DDX60L: variants seen among roughly 807,000 people sequenced by gnomAD.
DDX60L encodes DExD/H-box 60 like, also known as probable ATP-dependent RNA helicase DDX60-like.
A neutral mutation model predicts 211.6 loss-of-function variants in DDX60L; 191 were observed. The observed-to-expected ratio is 0.90, with a 90% CI of 0.80 to 1.02. The LOEUF is 1.02. Among genes scored for constraint, DDX60L ranks in the 50% least tolerant of loss-of-function variants. The pLI, the probability that DDX60L is intolerant of heterozygous loss-of-function variation, is 0.00. For synonymous variants in DDX60L, 706 were observed against 694.1 expected, an observed-to-expected ratio of 1.02 and a Z score of -0.27; for missense variants, 2,007 against 1,984.1, an observed-to-expected ratio of 1.01 and a Z score of -0.22.
chr4:168,421,696 G>A (rs1420974696), intron 17 of DDX60L, 64 bp downstream of exon 17: 2 of 1,578,438 alleles, frequency 1.3e-6, no homozygotes, highest in Non-Finnish European at 1.7e-6. Flanking sequence ...ATGTGACCGT[G>A]TGCATTCTTT....
chr4:168,479,391 G>A (rs1246279204), intron 1 of DDX60L, among the ~76,000 whole-genome samples: 3 of 152,152 alleles, frequency 2.0e-5, no homozygotes, highest in Admixed American at 6.5e-5. Flanking sequence ...GAGAACACTC[G>A]AAATCATGAA....
chr4:168,443,747 T>C (rs1285793323), intron 9 of DDX60L, among the ~76,000 whole-genome samples: 1 of 150,368 alleles, frequency 6.7e-6, no homozygotes, highest in East Asian at 2.0e-4. Context: ...AAAAGAATTT[T>C]CAACCCAGAA....
chr4:168,461,612 T>C (rs772189705), intron 5 of DDX60L, 87 bp downstream of exon 5: 14 of 971,156 alleles, frequency 1.4e-5, no homozygotes, highest in Non-Finnish European at 1.6e-5. Flanking sequence ...ATAAGTTCCA[T>C]TAAAAATACA....
chr4:168,391,006 T>C (rs997242449), intron 29 of DDX60L, among the ~76,000 whole-genome samples: 1 of 151,678 alleles, frequency 6.6e-6, no homozygotes. Flanking sequence ...GTGAATGGTA[T>C]TAAAGGCTTG....
chr4:168,371,455 T>A (rs1266184943), intron 36 of DDX60L, among the ~76,000 whole-genome samples, 157 bp downstream of exon 36: 1 of 148,854 alleles, frequency 6.7e-6, no homozygotes, highest in Non-Finnish European at 1.5e-5. Flanking sequence ...AGATTAGGTA[T>A]TAAAATTTCT....
chr4:168,455,647 A>G (rs887623838), intron 7 of DDX60L, among the ~76,000 whole-genome samples: 2 of 152,170 alleles, frequency 1.3e-5, no homozygotes, highest in Non-Finnish European at 2.9e-5. Flanking sequence ...GGTAACACAA[A>G]GACCCTGAAA....
chr4:168,452,571 A>C (rs764787074), intron 8 of DDX60L, among the ~76,000 whole-genome samples: 2 of 152,184 alleles, frequency 1.3e-5, no homozygotes, highest in Non-Finnish European at 2.9e-5. Context: ...CAAAAATTAA[A>C]AATTTTAAAA....
At chr4:168,414,224 G>A (rs1414661171) in intron 22 of DDX60L, among the ~76,000 whole-genome samples, 1 of 152,100 alleles carries the variant, frequency 6.6e-6, no homozygotes, top group East Asian at 1.9e-4. Flanking sequence ...AGTGCTAAAG[G>A]GAGTTCTTCA....
At chr4:168,408,613 G>GA (rs138924374) in intron 22 of DDX60L, among the ~76,000 whole-genome samples, 16,612 of 150,632 alleles carry the variant, frequency 0.11, 1,248 homozygotes, top group Admixed American at 0.15. Context: ...TGCTCCTTTT[G>GA]AAAAAAAAAT....
chr4:168,395,257 A>AAAT (rs1277095648), intron 27 of DDX60L, among the ~76,000 whole-genome samples: 73 of 152,372 alleles, frequency 4.8e-4, no homozygotes, highest in African/African-American at 1.8e-3. Context: ...GAAGCTATTA[A>AAAT]AATAATAATG....
At chr4:168,470,712 C>G (rs140948596) in intron 4 of DDX60L, 1 of 159,596 alleles carries the variant, frequency 6.3e-6, no homozygotes, top group Non-Finnish European at 1.4e-5. Context: ...TGGTGGCACG[C>G]GCCTGTAATC....
Position 168,400,875 on chromosome 4 carries a change from A to G in DDX60L, c.3442T>C (p.Phe1148Leu). Residue 1148 changes from phenylalanine to leucine, a missense_variant, in exon 26 of 38, where the codon TTT becomes CTT. Transcript: ENST00000682922. ...HPHTECHSYV[F>L]AIDEVLEKVR... ...TTTTCAAGTACTTCATCTATTGCAAAGACATAACTATGACATTCAGTGTGG... is the reference window on the plus strand; with the variant it reads ...TTTTCAAGTACTTCATCTATTGCAAGGACATAACTATGACATTCAGTGTGG... 1 of 1,613,626 alleles carries G rather than the reference A, an allele frequency of 6.2e-7. No homozygotes were observed. Among genetic ancestry groups the G allele is most frequent in the Admixed American group, 1.7e-5 (1 of 59,998 alleles).
chr4:168,437,177 C>T (rs960091693), intron 10 of DDX60L, among the ~76,000 whole-genome samples: 3 of 152,188 alleles, frequency 2.0e-5, no homozygotes, highest in Non-Finnish European at 4.4e-5. Context: ...TCCTAATTCG[C>T]ACTATCTGTG....
intron 29 of DDX60L, among the ~76,000 whole-genome samples, chr4:168,389,827 A>G (rs754764003): frequency 2.0e-5 from 3 of 152,250 alleles, no homozygotes; most frequent in Admixed American, 6.5e-5. Flanking sequence ...CTATAAGATC[A>G]TGACAAAACT....
intron 29 of DDX60L, among the ~76,000 whole-genome samples, chr4:168,385,171 T>A (rs902002): frequency 0.53 from 80,956 of 152,014 alleles, 22,286 homozygotes; most frequent in East Asian, 0.72. Flanking sequence ...GGATTGGGAC[T>A]TTCAGCCCCT....
Position 168,358,235 on chromosome 4 carries a change from A to G in DDX60L, c.5033T>C (p.Val1678Ala). ...ACTCAATTGTTTAAATGCCAGGACT[A>G]CATTGTCACGCTTATTTTCACATAG... is the stretch of plus-strand genomic sequence containing the variant. ...SELCENKRDN[V>A]VLAFKQLSQT... Residue 1678 changes from valine (V) to alanine (A), a missense_variant, in exon 38 of 38, where the codon GTA (valine) becomes GCA (alanine). Physicochemically the swap from Val to Ala is moderately conservative, Grantham distance 64 (BLOSUM62 0). Coordinates refer to ENST00000682922, the MANE Select transcript of DDX60L (RefSeq NM_001012967.3). 1 of 1,601,942 alleles carries G rather than the reference A, an allele frequency of 6.2e-7. No homozygotes were observed. The highest frequency in any genetic ancestry group is 8.5e-7 in the Non-Finnish European group (1 of 1,173,810).
At chr4:168,416,469 A>C (rs1464246300) in intron 20 of DDX60L, among the ~76,000 whole-genome samples, 1 of 152,164 alleles carries the variant, frequency 6.6e-6, no homozygotes, top group East Asian at 1.9e-4. Context: ...CTGTGGTCCC[A>C]GCTACTCAGG....
Position 168,384,771 on chromosome 4 carries a change from T to C in DDX60L, c.3957A>G (p.Gly1319=). The change falls in exon 30 of 38, where the codon GGA becomes GGG. Residue 1319 remains glycine (G), a synonymous_variant. Coordinates refer to ENST00000682922, the MANE Select transcript of DDX60L (RefSeq NM_001012967.3). The stretch of plus-strand genomic sequence containing the variant: ...ATGGGATATCAAAGAAATACACATT[T>C]CCAAGCAGGTCTTGACCTCTTCTTC... ...RAGRRGQDLL[G]NVYFFDIPLP... is the part of the protein sequence containing the mutation. 1 of 1,613,574 alleles carries C rather than the reference T, an allele frequency of 6.2e-7. No individual in the cohort carries two copies. Among genetic ancestry groups the C allele is most frequent in the South Asian group, 1.1e-5 (1 of 90,994 alleles).
At chr4:168,463,542 A>G (rs1994529) in intron 4 of DDX60L, among the ~76,000 whole-genome samples, 110,898 of 151,970 alleles carry the variant, frequency 0.73, 41,469 homozygotes, top group East Asian at 0.88. Flanking sequence ...AAACCCCCAT[A>G]AGACAAGCTT....
Sources: allele counts gnomAD v4.1 joint callset (sites outside exome capture counted in the v4.1 genomes callset), GRCh38; gene constraint gnomAD v4.1.1; transcripts MANE v1.5; gene names NCBI Gene and HGNC (gene_info 2026-07-23, HGNC 2026-07-21).